Variants in KANSL1 observed in about 807,000 individuals in gnomAD.
The protein encoded by KANSL1 is KAT8 regulatory NSL complex subunit 1.
KANSL1 carries 22 observed loss-of-function variants against 103.6 expected under a neutral mutation model. That is an observed-to-expected ratio of 0.21 (90% CI 0.15 to 0.30). The LOEUF (loss-of-function observed/expected upper bound fraction) is 0.30, where lower values mean the gene tolerates loss of function less well. Ranked by LOEUF, KANSL1 falls within the 10% of genes least tolerant of loss-of-function variation. The pLI is 1.00. For missense variants in KANSL1, 1,337 were observed against 1,399.8 expected (o/e 0.96, Z 0.72); for synonymous variants, 600 against 527.6 (o/e 1.14, Z -1.88).
At chr17:46,163,271 C>G (rs1256395173) in intron 2 of KANSL1, among the ~76,000 whole-genome samples, 2 of 152,230 alleles carry the variant, frequency 1.3e-5, no homozygotes, top group Non-Finnish European at 2.9e-5. Flanking sequence ...ATGAATTAAT[C>G]AAATCCAAAC....
chr17:46,200,062 CA>C (rs2047744922), intron 1 of KANSL1, among the ~76,000 whole-genome samples: 1 of 151,938 alleles, frequency 6.6e-6, no homozygotes, highest in South Asian at 2.1e-4. Context: ...CACACACACA[CA>C]CACCCTGATT....
chr17:46,127,546 C>CAG (rs1447459137), intron 2 of KANSL1, among the ~76,000 whole-genome samples: 17 of 152,280 alleles, frequency 1.1e-4, no homozygotes, highest in Admixed American at 2.6e-4. Context: ...CCAAGGCGGA[C>CAG]AGATTGCTTT....
chr17:46,218,975 A>AT (rs2048427787), intron 1 of KANSL1, among the ~76,000 whole-genome samples: 1 of 151,882 alleles, frequency 6.6e-6, no homozygotes, highest in Admixed American at 6.6e-5. Context: ...GAGTGCTGAG[A>AT]TTAGGCCGGG....
At chr17:46,096,311 C>CTTTCTTTCTTTTTTTT (rs753073992) in intron 2 of KANSL1, among the ~76,000 whole-genome samples, 3 of 76,410 alleles carry the variant, frequency 3.9e-5, no homozygotes, top group Non-Finnish European at 7.4e-5. Flanking sequence ...GCTTTTTTTT[C>CTTTCTTTCTTTTTTTT]TTTTTTTTTT....
rs77560794 is a variant in KANSL1 at position 46,118,769 on chromosome 17, G to A, written c.1290-24068C>T. ...GGAGGCAAGGAAGAGTAGAAAAGCC[G>A]ACGGATAAACAACCAATAGTCAGTG... On this transcript the variant is annotated intron_variant, in intron 2 of 14. Coordinates refer to ENST00000432791, the MANE Select transcript of KANSL1 (RefSeq NM_015443.4). 7.4e-3 allele frequency among the ~76,000 whole-genome samples: 1,133 copies of A among 152,286 alleles called. 57 individuals carry two copies. The East Asian group carries it at 0.12, about 16-fold the overall frequency.
chr17:46,213,288 T>TG (rs376025054), intron 1 of KANSL1, among the ~76,000 whole-genome samples: 3 of 151,088 alleles, frequency 2.0e-5, no homozygotes, highest in African/African-American at 4.9e-5. Flanking sequence ...TTATTTGTTT[T>TG]TTGTTGTTGT....
intron 2 of KANSL1, among the ~76,000 whole-genome samples, chr17:46,117,728 CAT>C (rs1319033119): frequency 6.6e-6 from 1 of 152,078 alleles, no homozygotes; most frequent in Non-Finnish European, 1.5e-5. Flanking sequence ...AAAATTAAAA[CAT>C]AAATAAATAA....
intron 6 of KANSL1, among the ~76,000 whole-genome samples, chr17:46,064,166 C>T (rs1296113019): frequency 4.0e-5 from 6 of 151,540 alleles, no homozygotes; most frequent in African/African-American, 1.2e-4. Context: ...AGGTAGAGTC[C>T]GAGGAATAGA....
intron 1 of KANSL1, among the ~76,000 whole-genome samples, chr17:46,207,856 A>G (rs2048024242): frequency 6.6e-6 from 1 of 152,210 alleles, no homozygotes; most frequent in Non-Finnish European, 1.5e-5. Flanking sequence ...CATGCCTTTA[A>G]TCCCAGCACT....
At chr17:46,125,039 GGGAGGGAGGAGGGAGGGA>G (rs2043464242) in intron 2 of KANSL1, among the ~76,000 whole-genome samples, 2 of 89,410 alleles carry the variant, frequency 2.2e-5, no homozygotes, top group African/African-American at 8.9e-5. Flanking sequence ...GAGGTAGGGA[GGGAGGGAGGAGGGAGGGA>G]GGAGGGAGGG....
chr17:46,200,038 TACACAC>T (rs143234563), intron 1 of KANSL1, among the ~76,000 whole-genome samples: 32 of 147,480 alleles, frequency 2.2e-4, no homozygotes, highest in South Asian at 2.1e-4. Context: ...TCAATGAGTT[TACACAC>T]ACACACACAC....
chr17:46,116,987 CATTT>C (rs1356310396), intron 2 of KANSL1, among the ~76,000 whole-genome samples: 2 of 152,156 alleles, frequency 1.3e-5, no homozygotes, highest in Admixed American at 6.5e-5. Flanking sequence ...TATAAAGTTA[CATTT>C]ATTACAAGTG....
intron 2 of KANSL1, among the ~76,000 whole-genome samples, chr17:46,095,225 G>A (rs1445640183): frequency 3.3e-5 from 5 of 152,116 alleles, no homozygotes; most frequent in Admixed American, 2.6e-4. Flanking sequence ...TATACAAATG[G>A]TAGGACACAT....
intron 2 of KANSL1, among the ~76,000 whole-genome samples, chr17:46,103,294 C>A (rs2042396904): frequency 6.6e-6 from 1 of 152,316 alleles, no homozygotes; most frequent in Non-Finnish European, 1.5e-5. Flanking sequence ...AAACCATCAA[C>A]CAATTTCAAC....
intron 2 of KANSL1, among the ~76,000 whole-genome samples, chr17:46,149,614 A>G (rs62063238): frequency 0.12 from 18,662 of 150,268 alleles, 22 homozygotes; most frequent in Middle Eastern, 0.19. Context: ...CTTAGACTGC[A>G]TTTGGCATAC....
At chr17:46,165,518 A>ATTT (rs146103384) in intron 2 of KANSL1, among the ~76,000 whole-genome samples, 10 of 143,172 alleles carry the variant, frequency 7.0e-5, no homozygotes, top group Admixed American at 2.8e-4. Context: ...AGGTATTTTT[A>ATTT]TTTTTTTTTT....
chr17:46,040,791 G>A (rs2077286547), intron 7 of KANSL1: 1 of 152,178 alleles, frequency 6.6e-6, no homozygotes, highest in Non-Finnish European at 1.5e-5. Context: ...GACTGACGTG[G>A]TATCTCTCTC....
At chr17:46,180,886 T>C (rs1288498215) in intron 1 of KANSL1, among the ~76,000 whole-genome samples, 1 of 152,174 alleles carries the variant, frequency 6.6e-6, no homozygotes, top group Non-Finnish European at 1.5e-5. Context: ...TATATGTATA[T>C]GTATATATAA....
chr17:46,100,064 T>G (rs1325194974), intron 2 of KANSL1, among the ~76,000 whole-genome samples: 1 of 152,230 alleles, frequency 6.6e-6, no homozygotes, highest in Non-Finnish European at 1.5e-5. Context: ...TGTACTTTAA[T>G]CGTTCTTTTT....
Sources: allele counts gnomAD v4.1 joint callset (sites outside exome capture counted in the v4.1 genomes callset), GRCh38; gene constraint gnomAD v4.1.1; transcripts MANE v1.5; gene names NCBI Gene and HGNC (gene_info 2026-07-23, HGNC 2026-07-21).